Variants in SPTLC1 observed in about 807,000 individuals in gnomAD.
The protein encoded by SPTLC1 is serine palmitoyltransferase 1.
A neutral mutation model predicts 68.9 loss-of-function variants in SPTLC1; 55 were observed. The observed-to-expected ratio is 0.80, with a 90% CI of 0.64 to 1.00. SPTLC1 has a LOEUF of 1.00. Ranked by LOEUF, SPTLC1 falls within the 50% of genes least tolerant of loss-of-function variation. The pLI is 0.00. For synonymous variants in SPTLC1, 197 were observed against 201.6 expected (o/e 0.98, Z 0.19); for missense variants, 449 against 573.1 (o/e 0.78, Z 2.21).
intron 3 of SPTLC1, among the ~76,000 whole-genome samples, chr9:92,106,178 T>A (rs961316379): frequency 1.3e-5 from 2 of 152,146 alleles, no homozygotes; most frequent in Non-Finnish European, 2.9e-5. Context: ...ACCTTCCAAG[T>A]GTGAAGTGAC....
At chr9:92,066,400 G>A (rs1368142649) in intron 6 of SPTLC1, among the ~76,000 whole-genome samples, 1 of 152,136 alleles carries the variant, frequency 6.6e-6, no homozygotes, top group Non-Finnish European at 1.5e-5. Flanking sequence ...GGTGTGGGAC[G>A]GCCTCCCTGC....
At chr9:92,089,266 A>G (rs1835270569) in intron 3 of SPTLC1, among the ~76,000 whole-genome samples, 3 of 152,284 alleles carry the variant, frequency 2.0e-5, no homozygotes, top group East Asian at 1.9e-4. Flanking sequence ...CAAAAAAATA[A>G]GCTAGGCATG....
chr9:92,071,422 A>C (rs1248667196), intron 5 of SPTLC1, among the ~76,000 whole-genome samples: 5 of 152,250 alleles, frequency 3.3e-5, no homozygotes, highest in East Asian at 1.9e-4. Flanking sequence ...CACACACACA[A>C]AAATATCCCT....
chr9:92,059,475 A>C (rs899983572), intron 6 of SPTLC1, among the ~76,000 whole-genome samples, 167 bp from the exon 7 acceptor site: 2 of 152,230 alleles, frequency 1.3e-5, no homozygotes, highest in East Asian at 3.8e-4. Context: ...CTCTTCATCC[A>C]TGAGTCCTTT....
Position 92,055,308 on chromosome 9 carries a change from G to T in SPTLC1, c.780+97C>A. 5 of 1,575,664 alleles carry T rather than the reference G, an allele frequency of 3.2e-6. No individual in the cohort carries two copies. In the South Asian group the frequency reaches 3.4e-5, roughly 11 times the overall value. Reference sequence around the variant, plus strand: ...ATGCTTATGAGGCCTAATGCGCAAAGCAACGCAGACGTTATACACTAAAAG... The same window carrying T: ...ATGCTTATGAGGCCTAATGCGCAAATCAACGCAGACGTTATACACTAAAAG... On this transcript the variant is annotated intron_variant, in intron 8 of 14. Coordinates refer to ENST00000262554, the MANE Select transcript of SPTLC1 (RefSeq NM_006415.4).
chr9:92,115,253 C>T, intron 1 of SPTLC1, 61 bp downstream of exon 1: 7 of 1,545,586 alleles, frequency 4.5e-6, no homozygotes, highest in Non-Finnish European at 6.2e-6. Flanking sequence ...AATCCACACG[C>T]GTCCTCCCAC....
At chr9:92,107,569 A>G (rs1285502725) in intron 3 of SPTLC1, among the ~76,000 whole-genome samples, 1 of 152,206 alleles carries the variant, frequency 6.6e-6, no homozygotes, top group Non-Finnish European at 1.5e-5. Flanking sequence ...TGGCTAACAC[A>G]GTGAAACTCC....
chr9:92,080,376 CT>C (rs1443760754), intron 4 of SPTLC1, among the ~76,000 whole-genome samples: 3 of 152,170 alleles, frequency 2.0e-5, no homozygotes, highest in Non-Finnish European at 4.4e-5. Context: ...TTCCTAGACC[CT>C]TCTCCAACTA....
intron 9 of SPTLC1, among the ~76,000 whole-genome samples, chr9:92,049,576 G>C (rs992998740): frequency 6.6e-6 from 1 of 152,132 alleles, no homozygotes; most frequent in African/African-American, 2.4e-5. Flanking sequence ...TTAAACACCA[G>C]AAACAGTATC....
At chr9:92,036,789 A>T (rs1250325658) in intron 13 of SPTLC1, among the ~76,000 whole-genome samples, 3 of 152,246 alleles carry the variant, frequency 2.0e-5, no homozygotes, top group African/African-American at 7.2e-5. Context: ...AATCACAAAG[A>T]TGTCATACTT....
At chr9:92,113,289 C>T (rs1485535030) in intron 1 of SPTLC1, among the ~76,000 whole-genome samples, 1 of 152,166 alleles carries the variant, frequency 6.6e-6, no homozygotes, top group Admixed American at 6.5e-5. Flanking sequence ...CCCCTAAATA[C>T]AATTCATTTA....
chr9:92,032,101 T>G lies in SPTLC1; in HGVS notation c.*364A>C. 2 of 601,220 alleles carry G rather than the reference T, an allele frequency of 3.3e-6. No individual in the cohort carries two copies. Among genetic ancestry groups the G allele is most frequent in the Admixed American group, 3.2e-5 (1 of 31,536 alleles). The allele number at this position is 601,220 out of a possible 1,614,324, so 37.2% of individuals were successfully genotyped here. On this transcript the variant is annotated 3_prime_UTR_variant, in exon 15 of 15. Coordinates refer to ENST00000262554, the MANE Select transcript of SPTLC1 (RefSeq NM_006415.4). The stretch of plus-strand genomic sequence containing the variant: ...AGTTAAGGAGTGCTTACTGAACCAT[T>G]ACTATTAGAGGGAGGGAAGAGACAC...
At chr9:92,043,348 T>C (rs1357402770) in intron 12 of SPTLC1, among the ~76,000 whole-genome samples, 1 of 152,110 alleles carries the variant, frequency 6.6e-6, no homozygotes, top group African/African-American at 2.4e-5. Flanking sequence ...CTGAAATGCT[T>C]CATATAATAT....
chr9:92,065,981 G>A (rs1379586323), intron 6 of SPTLC1, among the ~76,000 whole-genome samples: 1 of 152,134 alleles, frequency 6.6e-6, no homozygotes. Context: ...CCAGTGCAGG[G>A]CTTGAGGGAT....
At chr9:92,047,745 T>C in intron 9 of SPTLC1, 37 bp from the exon 10 acceptor site, 1 of 1,508,062 alleles carries the variant, frequency 6.6e-7, no homozygotes, top group Non-Finnish European at 9.2e-7. Flanking sequence ...ATTCCACAGT[T>C]TAAAGAAAAA....
chr9:92,056,000 T>C (rs1833875961), intron 7 of SPTLC1, among the ~76,000 whole-genome samples: 1 of 152,246 alleles, frequency 6.6e-6, no homozygotes. Context: ...GTAATGCTGA[T>C]AACAAAGCTG....
At chr9:92,107,719 T>G (rs1836056277) in intron 3 of SPTLC1, 1 of 151,722 alleles carries the variant, frequency 6.6e-6, no homozygotes, top group African/African-American at 2.4e-5. Flanking sequence ...GCCACTACAC[T>G]CCAGACTGGG....
chr9:92,070,415 C>T (rs1315793318), intron 5 of SPTLC1: 1 of 152,206 alleles, frequency 6.6e-6, no homozygotes, highest in Non-Finnish European at 1.5e-5. Flanking sequence ...TGTAGATTTG[C>T]ATGGAATAAA....
Position 92,059,169 on chromosome 9 carries a change from A to G in SPTLC1, c.690+10T>C. ...AAAGAACTGTATAATTTTCTTCAAA[A>G]GAATCATACCTTTTGATCTTCGATC... On this transcript the variant is annotated intron_variant, in intron 7 of 14. Coordinates refer to ENST00000262554, the MANE Select transcript of SPTLC1 (RefSeq NM_006415.4). 1 of 1,611,994 alleles carries G rather than the reference A, an allele frequency of 6.2e-7. No individual in the cohort carries two copies. The highest frequency in any genetic ancestry group is 8.5e-7 in the Non-Finnish European group (1 of 1,179,362).
Sources: gnomAD v4.1 joint callset for allele counts (sites outside exome capture counted in the v4.1 genomes callset) on GRCh38, gnomAD v4.1.1 for gene constraint, MANE v1.5 for transcripts, NCBI Gene and HGNC (gene_info 2026-07-23, HGNC 2026-07-21) for gene names.